Variants in MASP1 observed in about 807,000 individuals in gnomAD.
MASP1 encodes the protein mannan-binding lectin serine protease 1.
Under a neutral mutation model 77.1 loss-of-function variants are expected in MASP1, and 59 were observed. The observed-to-expected ratio is 0.77, with a 90% CI of 0.62 to 0.95. MASP1 has a LOEUF of 0.95. MASP1 is among the 40% of genes least tolerant of loss of function. The pLI, the probability that MASP1 is intolerant of heterozygous loss-of-function variation, is 0.00. For missense variants in MASP1, 885 were observed against 912.9 expected, an observed-to-expected ratio of 0.97 and a Z score of 0.39; for synonymous variants, 362 against 354.5, an observed-to-expected ratio of 1.02 and a Z score of -0.24.
downstream of MASP1, among the ~76,000 whole-genome samples, chr3:187,233,654 G>A (rs1712902913): frequency 6.6e-6 from 1 of 152,236 alleles, no homozygotes; most frequent in African/African-American, 2.4e-5. Context: ...AGTTGCCTTA[G>A]CAGGATTCAT....
intron 3 of MASP1, 99 bp downstream of exon 3, chr3:187,262,444 G>T: frequency 8.7e-7 from 1 of 1,152,454 alleles, no homozygotes; most frequent in Non-Finnish European, 1.3e-6. Flanking sequence ...TCTATGTGGT[G>T]CACACACAGA....
chr3:187,234,640 C>G lies in MASP1; in HGVS notation c.*1044G>C, dbSNP rs766043600. On this transcript the variant is annotated 3_prime_UTR_variant, in exon 11 of 11. Transcript: ENST00000296280. ...TGAACATCCTGCGGGGTGGATTCTC[C>G]GCCCAGCTCATGCCCCAGGGATGCC... The G allele has an allele frequency of 7.8e-7, 1 of 1,287,172 alleles. No individual in the cohort carries two copies. Among genetic ancestry groups the G allele is most frequent in the Non-Finnish European group, 1.0e-6 (1 of 988,666 alleles). The allele number at this position is 1,287,172 out of a possible 1,614,324, so 79.7% of individuals were successfully genotyped here.
At chr3:187,280,254 T>G (rs959308762) in intron 2 of MASP1, among the ~76,000 whole-genome samples, 1 of 152,166 alleles carries the variant, frequency 6.6e-6, no homozygotes, top group Non-Finnish European at 1.5e-5. Flanking sequence ...ATGGAAGAAA[T>G]GTCGAATACA....
intron 2 of MASP1, among the ~76,000 whole-genome samples, chr3:187,268,793 G>C (rs1263377567): frequency 1.3e-5 from 2 of 152,198 alleles, no homozygotes; most frequent in Admixed American, 1.3e-4. Context: ...AAGGCCGGGT[G>C]TGGTGGCTTA....
intron 4 of MASP1, among the ~76,000 whole-genome samples, chr3:187,258,592 GTGC>G (rs1295960588): frequency 6.6e-6 from 1 of 152,142 alleles, no homozygotes; most frequent in African/African-American, 2.4e-5. Context: ...GCTGGAGGTG[GTGC>G]TTCCCAGACT....
chr3:187,253,876 A>C (rs903843052), intron 5 of MASP1, among the ~76,000 whole-genome samples: 2 of 152,026 alleles, frequency 1.3e-5, no homozygotes, highest in African/African-American at 4.8e-5. Context: ...CATTAGGACA[A>C]GTACCTAATG....
intron 8 of MASP1, among the ~76,000 whole-genome samples, chr3:187,245,489 C>G (rs564183745): frequency 1.7e-4 from 26 of 152,258 alleles, no homozygotes; most frequent in African/African-American, 5.8e-4. Context: ...CCCACTGATA[C>G]AGCTGGCCCT....
At chr3:187,255,999 G>A (rs894485856) in intron 5 of MASP1, among the ~76,000 whole-genome samples, 1 of 151,998 alleles carries the variant, frequency 6.6e-6, no homozygotes, top group Non-Finnish European at 1.5e-5. Context: ...AAGAATTGCT[G>A]GTTTTACTTT....
At chr3:187,243,714 G>A (rs183740156) in intron 8 of MASP1, 93 bp from the exon 9 acceptor site, 25 of 1,448,036 alleles carry the variant, frequency 1.7e-5, no homozygotes, top group Admixed American at 1.7e-5. Flanking sequence ...TACAGGTTGT[G>A]CACTGCACAC....
At position 187,250,474 on chromosome 3, in the gene MASP1, G is replaced by A. The variant is rs1714481688; in HGVS notation, c.1012-145C>T. The A allele has an allele frequency of 5.4e-6, 4 of 742,960 alleles. No individual in the cohort carries two copies. In the Admixed American group the frequency reaches 7.5e-5, roughly 14 times the overall value. The allele number at this position is 742,960 out of a possible 1,614,324, so 46.0% of individuals were successfully genotyped here. On this transcript the variant is annotated intron_variant, in intron 7 of 10. Coordinates refer to ENST00000296280, the MANE Select transcript of MASP1 (RefSeq NM_139125.4). ...CCCATGGGCTTCCAAGGGTGAGCTT[G>A]AAGGTAGGGGAAAGATACATGCTGA...
intron 4 of MASP1, among the ~76,000 whole-genome samples, chr3:187,259,231 T>C (rs1715356312): frequency 6.6e-6 from 1 of 152,152 alleles, no homozygotes; most frequent in Non-Finnish European, 1.5e-5. Flanking sequence ...TATTTGCAAA[T>C]GAGAAAACTG....
At chr3:187,284,784 C>A (rs1279615791) in intron 2 of MASP1, among the ~76,000 whole-genome samples, 2 of 152,170 alleles carry the variant, frequency 1.3e-5, no homozygotes, top group Non-Finnish European at 2.9e-5. Flanking sequence ...TGGGTTACTT[C>A]TTTACCTGTG....
At chr3:187,225,074 C>T (rs1712332797) in intron 13 of MASP1, among the ~76,000 whole-genome samples, 1 of 152,270 alleles carries the variant, frequency 6.6e-6, no homozygotes, top group Admixed American at 6.5e-5. Context: ...ATTAAATTCT[C>T]TCTGTTACGA....
At position 187,272,898 on chromosome 3, in the gene MASP1, T is replaced by C. The variant is rs920059774; in HGVS notation, c.238-10178A>G. Among the ~76,000 whole-genome samples, 4 of 152,244 alleles carry C rather than the reference T, an allele frequency of 2.6e-5. No homozygotes were observed. The East Asian group carries it at 5.8e-4, about 22-fold the overall frequency. On this transcript the variant is annotated intron_variant, in intron 2 of 10. Coordinates refer to ENST00000296280, the MANE Select transcript of MASP1 (RefSeq NM_139125.4). Reference sequence around the variant, plus strand: ...TCCTAGGAAACTAATATTCTCTGTATATAGTTTTTCTCATATGTAAAATAG... The same window carrying C: ...TCCTAGGAAACTAATATTCTCTGTACATAGTTTTTCTCATATGTAAAATAG...
At chr3:187,229,694 A>G (rs1712649393), downstream of MASP1, 1 of 1,583,458 alleles carries the variant, frequency 6.3e-7, no homozygotes, top group African/African-American at 1.4e-5. Flanking sequence ...CAATGAAGAA[A>G]CCTTGGTCAG....
intron 4 of MASP1, among the ~76,000 whole-genome samples, chr3:187,260,399 C>T (rs765250182): frequency 1.4e-4 from 22 of 152,176 alleles, no homozygotes; most frequent in Admixed American, 8.5e-4. Context: ...AAGCATAATT[C>T]GTGGCTCAAA....
At position 187,235,135 on chromosome 3, in the gene MASP1, AAG is replaced by A. The variant is rs1233810496; in HGVS notation, c.*547_*548del. 1 of 1,287,428 alleles carries A rather than the reference AAG, an allele frequency of 7.8e-7. No homozygotes were observed. The highest frequency in any genetic ancestry group is 2.3e-5 in the Admixed American group (1 of 43,568). The allele number at this position is 1,287,428 out of a possible 1,614,324, so 79.8% of individuals were successfully genotyped here. On this transcript the variant is annotated 3_prime_UTR_variant, in exon 11 of 11. Coordinates refer to ENST00000296280, the MANE Select transcript of MASP1 (RefSeq NM_139125.4). ...TGAAGGTGCTCCAAGGGATCACACTAAGAGAGAGGGGCTTGGCTATGAGCCAT... is the reference window on the plus strand; with the variant it reads ...TGAAGGTGCTCCAAGGGATCACACTAAGAGAGGGGCTTGGCTATGAGCCAT...
chr3:187,228,217 G>A (rs1712550652), intron 11 of MASP1, among the ~76,000 whole-genome samples: 1 of 151,488 alleles, frequency 6.6e-6, no homozygotes, highest in African/African-American at 2.4e-5. Flanking sequence ...AACCCGAGAG[G>A]CGGAGGTTGC....
rs774669955 is a variant in MASP1 at position 187,285,893 on chromosome 3, G to A, written c.169C>T (p.Arg57Trp). ...TWNITVPDGF[R>W]IKLYFMHFNL... ...AAGTGCATGAAGTAAAGCTTGATCCGAAACCCATCTGGGACAGTGATATTC... is the reference window on the plus strand; with the variant it reads ...AAGTGCATGAAGTAAAGCTTGATCCAAAACCCATCTGGGACAGTGATATTC... Residue 57 changes from arginine (R) to tryptophan (W), a missense_variant, in exon 2 of 11, where the codon CGG (arginine) becomes TGG (tryptophan). Transcript: ENST00000296280. 2.1e-5 allele frequency: 34 copies of A among 1,614,032 alleles called. No homozygotes were observed. The East Asian group carries it at 2.7e-4, about 13-fold the overall frequency.
Sources: allele counts gnomAD v4.1 joint callset (sites outside exome capture counted in the v4.1 genomes callset), GRCh38; gene constraint gnomAD v4.1.1; transcripts MANE v1.5; gene names NCBI Gene and HGNC (gene_info 2026-07-23, HGNC 2026-07-21).